Variants in BCORL1 observed in about 807,000 individuals in gnomAD.
BCORL1 encodes the protein BCL6 corepressor like 1.
BCORL1 carries 7 observed loss-of-function variants against 87.6 expected under a neutral mutation model. The ratio of observed to expected loss-of-function variants is 0.08; its 90% CI spans 0.05 to 0.15. BCORL1 has a LOEUF of 0.15. Ranked by LOEUF, BCORL1 falls within the 10% of genes least tolerant of loss-of-function variation. The pLI is 1.00. For missense variants in BCORL1, 1,215 were observed against 1,499.7 expected, an observed-to-expected ratio of 0.81 and a Z score of 3.13; for synonymous variants, 591 against 634.4, an observed-to-expected ratio of 0.93 and a Z score of 1.03.
In BCORL1 at chrX:130,025,073, G is replaced by A. The variant is rs2124488099; in HGVS notation, c.3772G>A (p.Val1258Ile). The change falls in exon 7 of 14, where the codon GTA (valine) becomes ATA (isoleucine). Residue 1258 changes from valine (V) to isoleucine (I), a missense_variant. Around this residue, in one of 5 missense-constraint regions of BCORL1, gnomAD observed 166 missense variants for 196.5 expected, o/e 0.84. Coordinates refer to ENST00000540052, the MANE Select transcript of BCORL1 (RefSeq NM_001379451.1). ...EVFPTEEEEEVTPTPAKRRKV... is the reference protein window; with the variant it reads ...EVFPTEEEEEITPTPAKRRKV... ...CTTCCCCACAGAAGAAGAAGAGGAG[G>A]TAACCCCCACCCCAGCTAAGCGTCG... 2.5e-6 allele frequency: 3 copies of A among 1,211,950 alleles called. No individual in the cohort carries two copies. The highest frequency in any genetic ancestry group is 3.3e-6 in the Non-Finnish European group (3 of 895,548).
chrX:129,999,199 A>G (rs1156816322), intron 1 of BCORL1, among the ~76,000 whole-genome samples: 1 of 107,868 alleles, frequency 9.3e-6, no homozygotes, highest in Admixed American at 1.0e-4. Flanking sequence ...TAAATAGAGC[A>G]ATACGAAACC....
intron 11 of BCORL1, among the ~76,000 whole-genome samples, chrX:130,039,685 A>G (rs1028126179): frequency 8.9e-6 from 1 of 112,789 alleles, no homozygotes. Context: ...TGTGTTTGCA[A>G]TTTCTTCTTG....
chrX:129,986,939 T>C (rs918368927), intron 1 of BCORL1, among the ~76,000 whole-genome samples: 18 of 111,691 alleles, frequency 1.6e-4, no homozygotes. Flanking sequence ...AAGGGCTTCT[T>C]TGAGAGAAAC....
chrX:130,015,815 G>A lies in BCORL1; in HGVS notation c.3043G>A (p.Asp1015Asn), dbSNP rs201581660. 4 of 1,210,043 alleles carry A rather than the reference G, an allele frequency of 3.3e-6. No homozygotes were observed. The highest frequency in any genetic ancestry group is 2.2e-6 in the Non-Finnish European group (2 of 895,235). Residue 1015 changes from aspartate (D) to asparagine (N), a missense_variant, in exon 4 of 14, where the codon GAC becomes AAC. Asp to Asn is a conservative substitution (Grantham distance 23). Around this residue, in one of 5 missense-constraint regions of BCORL1, gnomAD observed 861 missense variants for 1,010.0 expected, o/e 0.85. Transcript: ENST00000540052. ...GCCTGAGCTGCCTTTGCTACCTCACGACAGCCACCCCAAGGAACTTATATT... is the reference window on the plus strand; with the variant it reads ...GCCTGAGCTGCCTTTGCTACCTCACAACAGCCACCCCAAGGAACTTATATT... ...KMPELPLLPH[D>N]SHPKELILDV...
At chrX:129,980,334 C>T (rs1700575410), upstream of BCORL1, among the ~76,000 whole-genome samples, 1 of 112,986 alleles carries the variant, frequency 8.9e-6, no homozygotes, top group Admixed American at 9.2e-5. Flanking sequence ...TCGCCCGCTT[C>T]CCCGGCGGCG....
At chrX:130,050,965 C>T (rs565035174) in intron 12 of BCORL1, among the ~76,000 whole-genome samples, 171 bp downstream of exon 12, 1 of 111,846 alleles carries the variant, frequency 8.9e-6, no homozygotes, top group South Asian at 3.7e-4. Context: ...CTGGGAAATG[C>T]AGCACTGGTT....
Position 130,014,406 on chromosome X carries a change from C to G in BCORL1, c.1634C>G (p.Pro545Arg). 1 of 1,211,722 alleles carries G rather than the reference C, an allele frequency of 8.3e-7. No homozygotes were observed. The highest frequency in any genetic ancestry group is 1.1e-6 in the Non-Finnish European group (1 of 895,467). ...TTTQPAPDGVPGPLADTSLVT... is the reference protein window; with the variant it reads ...TTTQPAPDGVRGPLADTSLVT... Reference sequence around the variant, plus strand: ...ACCCAGCCTGCACCCGATGGGGTCCCTGGGCCTTTGGCAGATACCTCCCTT... The same window carrying G: ...ACCCAGCCTGCACCCGATGGGGTCCGTGGGCCTTTGGCAGATACCTCCCTT... Residue 545 changes from proline to arginine, a missense_variant, in exon 4 of 14, where the codon CCT (proline) becomes CGT (arginine). By Grantham distance (103) the Pro-to-Arg change is moderately radical. Coordinates refer to ENST00000540052, the MANE Select transcript of BCORL1 (RefSeq NM_001379451.1).
At chrX:130,005,385 C>A in intron 2 of BCORL1, 68 bp downstream of exon 2, 1 of 1,004,363 alleles carries the variant, frequency 1.0e-6, no homozygotes, top group Non-Finnish European at 1.4e-6. Context: ...AGAGGGATAG[C>A]TGCATACAAT....
In BCORL1 at chrX:130,013,008, G is replaced by A. The variant is rs1186689016; in HGVS notation, c.236G>A (p.Ser79Asn). 2 of 1,208,440 alleles carry A rather than the reference G, an allele frequency of 1.7e-6. No individual in the cohort carries two copies. The highest frequency in any genetic ancestry group is 1.8e-5 in the South Asian group (1 of 56,852). ...GCCCGGGGGGCAGACCCAGATGGCA[G>A]TGCTACAGAAAAACTTGGGCACAAG... is the stretch of plus-strand genomic sequence containing the variant. Reference protein sequence around the residue: ...SNARGADPDGSATEKLGHKSE... With the variant: ...SNARGADPDGNATEKLGHKSE... Residue 79 changes from serine (S) to asparagine (N), a missense_variant, in exon 4 of 14, where the codon AGT becomes AAT. Ser to Asn is a conservative substitution (Grantham distance 46). Transcript: ENST00000540052.
intron 11 of BCORL1, among the ~76,000 whole-genome samples, chrX:130,041,447 C>T (rs1369113045): frequency 9.0e-6 from 1 of 111,353 alleles, no homozygotes; most frequent in Non-Finnish European, 1.9e-5. Context: ...GATTCTCATT[C>T]CTCAGCCTCC....
At chrX:129,987,555 C>A (rs143325572) in intron 1 of BCORL1, among the ~76,000 whole-genome samples, 2,766 of 111,472 alleles carry the variant, frequency 0.025, 30 homozygotes, top group Non-Finnish European at 0.037. Flanking sequence ...ATAGAGTGGC[C>A]TTGAAAGAAG....
chrX:130,014,740 C>T lies in BCORL1; in HGVS notation c.1968C>T (p.Ala656=). The part of the protein sequence containing the change: ...VLTPVHTSSK[A]LLSTVLSRSQ... ...CCCCCGTGCACACCAGCAGCAAGGCCCTCCTCTCCACAGTCCTGTCTAGGT... is the reference window on the plus strand; with the variant it reads ...CCCCCGTGCACACCAGCAGCAAGGCTCTCCTCTCCACAGTCCTGTCTAGGT... The change falls in exon 4 of 14, where the codon GCC becomes GCT. Residue 656 remains alanine (A), a synonymous_variant. Coordinates refer to ENST00000540052, the MANE Select transcript of BCORL1 (RefSeq NM_001379451.1). 4 of 1,211,535 alleles carry T rather than the reference C, an allele frequency of 3.3e-6. No homozygotes were observed. The highest frequency in any genetic ancestry group is 4.5e-6 in the Non-Finnish European group (4 of 895,434).
At chrX:130,005,387 G>A in intron 2 of BCORL1, 70 bp downstream of exon 2, 1 of 975,124 alleles carries the variant, frequency 1.0e-6, no homozygotes, top group Non-Finnish European at 1.5e-6. Context: ...AGGGATAGCT[G>A]CATACAATAG....
chrX:129,985,727 C>T (rs1926549509), intron 1 of BCORL1, among the ~76,000 whole-genome samples: 1 of 111,564 alleles, frequency 9.0e-6, no homozygotes, highest in Admixed American at 9.5e-5. Flanking sequence ...GCAACTTAGG[C>T]AACTGCCCTT....
At chrX:130,004,082 C>A (rs1175051091) in intron 1 of BCORL1, among the ~76,000 whole-genome samples, 3 of 110,879 alleles carry the variant, frequency 2.7e-5, no homozygotes, top group Non-Finnish European at 5.7e-5. Flanking sequence ...TCAAGGCAAG[C>A]TCATTGGATA....
rs765715671 is a variant in BCORL1, at chrX:130,015,082, C to T, written c.2310C>T (p.Gly770=). The part of the protein sequence containing the change: ...KGTGATCGKK[G]SQAGAEGQPS... ...CTGGTGCCACGTGTGGCAAAAAGGG[C>T]AGCCAGGCTGGTGCTGAGGGACAGC... Residue 770 remains glycine (G), a synonymous_variant, in exon 4 of 14, where the codon GGC becomes GGT. Transcript: ENST00000540052. The T allele has an allele frequency of 2.5e-6, 3 of 1,212,280 alleles. No homozygotes were observed. The highest frequency in any genetic ancestry group is 3.3e-6 in the Non-Finnish European group (3 of 895,600).
intron 2 of BCORL1, among the ~76,000 whole-genome samples, chrX:130,011,670 CAG>C (rs1231342357): frequency 1.1e-5 from 1 of 92,190 alleles, no homozygotes; most frequent in African/African-American, 4.6e-5. Flanking sequence ...AGACTTTAAA[CAG>C]GGGGAGATGC....
chrX:129,997,815 A>G (rs1927681729), intron 1 of BCORL1, among the ~76,000 whole-genome samples: 1 of 105,299 alleles, frequency 9.5e-6, no homozygotes, highest in Non-Finnish European at 1.9e-5. Context: ...AAAAAAAAAA[A>G]AAGTTATTGC....
intron 4 of BCORL1, among the ~76,000 whole-genome samples, chrX:130,020,639 A>C (rs1929727863): frequency 8.9e-6 from 1 of 112,382 alleles, no homozygotes; most frequent in African/African-American, 3.2e-5. Context: ...ATTTTGTTTA[A>C]TGCCGGTCTC....
Sources: allele counts gnomAD v4.1 joint callset (sites outside exome capture counted in the v4.1 genomes callset), GRCh38; gene constraint gnomAD v4.1.1; regional missense constraint gnomAD v4.1.1; transcripts MANE v1.5; gene names NCBI Gene and HGNC (gene_info 2026-07-23, HGNC 2026-07-21).